Variants in TMEM178B observed in about 807,000 individuals in gnomAD.
TMEM178B encodes transmembrane protein 178B.
In TMEM178B, 5 loss-of-function variants were observed where a neutral mutation model predicts 31.0. That is an observed-to-expected ratio of 0.16 (90% CI 0.08 to 0.34). TMEM178B has a LOEUF of 0.34. TMEM178B is among the 10% of genes least tolerant of loss of function. The pLI is 1.00. For missense variants in TMEM178B, 275 were observed against 400.3 expected (o/e 0.69, Z 2.67); for synonymous variants, 164 against 164.0 (o/e 1.00, Z 0.00).
intron 1 of TMEM178B, among the ~76,000 whole-genome samples, chr7:141,120,035 G>T (rs1475145072): frequency 6.6e-6 from 1 of 152,202 alleles, no homozygotes; most frequent in African/African-American, 2.4e-5. Context: ...TGTAACCATA[G>T]CTTTGGGAAG....
At chr7:141,481,921 C>T (rs142884916), downstream of TMEM178B, among the ~76,000 whole-genome samples, 252 of 152,272 alleles carry the variant, frequency 1.7e-3, 2 homozygotes, top group African/African-American at 5.8e-3. Flanking sequence ...AAGACGTTCT[C>T]ACCAGACCCT....
At chr7:141,319,364 T>A (rs886814994) in intron 2 of TMEM178B, among the ~76,000 whole-genome samples, 4 of 152,228 alleles carry the variant, frequency 2.6e-5, no homozygotes, top group Admixed American at 6.5e-5. Flanking sequence ...GCAATACCTG[T>A]GCCTATTTCA....
At chr7:141,509,694 T>C in the TMEM178B span, among the ~76,000 whole-genome samples, 1 of 152,168 alleles carries the variant, frequency 6.6e-6, no homozygotes, top group East Asian at 1.9e-4. Context: ...AGAACCTCAG[T>C]AGAGAAGGGA....
At chr7:141,095,886 G>T (rs1452457261) in intron 1 of TMEM178B, among the ~76,000 whole-genome samples, 1 of 152,136 alleles carries the variant, frequency 6.6e-6, no homozygotes, top group Non-Finnish European at 1.5e-5. Flanking sequence ...TGTTGAATTG[G>T]GGGTGTGCCT....
chr7:141,131,001 G>A (rs961986230), intron 1 of TMEM178B, among the ~76,000 whole-genome samples: 7 of 152,074 alleles, frequency 4.6e-5, no homozygotes, highest in Admixed American at 1.3e-4. Flanking sequence ...CCATTAGAAC[G>A]GGAACTCATC....
At position 141,344,819 on chromosome 7, in the gene TMEM178B, T is replaced by C. The variant is rs923083294; in HGVS notation, c.497-92789T>C. On this transcript the variant is annotated intron_variant, in intron 2 of 3. Transcript: ENST00000565468. This position sits in a 1 kb window ranked among gnomAD's most constrained non-coding sequence, Gnocchi z 4.1. Reference sequence around the variant, plus strand: ...CTTTTGGAACTCAGAACGAGCTGTCTGTTAACTGTGGCTCTGCCACCGGCT... The same window carrying C: ...CTTTTGGAACTCAGAACGAGCTGTCCGTTAACTGTGGCTCTGCCACCGGCT... Among the ~76,000 whole-genome samples, 1 of 152,206 alleles carries C rather than the reference T, an allele frequency of 6.6e-6. No homozygotes were observed. The highest frequency in any genetic ancestry group is 1.5e-5 in the Non-Finnish European group (1 of 68,044).
chr7:141,341,468 G>T (rs1214486387), intron 2 of TMEM178B, among the ~76,000 whole-genome samples: 1 of 152,090 alleles, frequency 6.6e-6, no homozygotes, highest in Admixed American at 6.5e-5. Context: ...AAAAAGAAAA[G>T]CATCAACCCA....
At chr7:141,111,306 AC>A (rs572002740) in intron 1 of TMEM178B, among the ~76,000 whole-genome samples, 3 of 151,394 alleles carry the variant, frequency 2.0e-5, no homozygotes, top group African/African-American at 4.9e-5. Context: ...AGGAAAAACC[AC>A]CCCCCCAAGA....
intron 1 of TMEM178B, among the ~76,000 whole-genome samples, chr7:141,132,512 A>G (rs1490150875): frequency 6.6e-6 from 1 of 152,160 alleles, no homozygotes; most frequent in Non-Finnish European, 1.5e-5. Flanking sequence ...ACAAAATGTA[A>G]TATGGTTTGG....
At chr7:141,124,934 T>G (rs570391137) in intron 1 of TMEM178B, among the ~76,000 whole-genome samples, 1 of 152,224 alleles carries the variant, frequency 6.6e-6, no homozygotes, top group African/African-American at 2.4e-5. Context: ...AAGACAAAAT[T>G]GTAAGAAAGC....
chr7:141,434,699 C>T (rs1040205243), intron 2 of TMEM178B, among the ~76,000 whole-genome samples: 1 of 152,202 alleles, frequency 6.6e-6, no homozygotes, highest in Non-Finnish European at 1.5e-5. Flanking sequence ...AGTTACCCTA[C>T]TCTGCTATCA....
rs113444287 is a variant in TMEM178B, at chr7:141,282,657, A to C, written c.496+69953A>C. On this transcript the variant is annotated intron_variant, in intron 2 of 3. Transcript: ENST00000565468. ...ACACCAATTTAAGCCTTATCGCATG[A>C]GAGGTATTGACTTAGTATGAGTCCC... Among the ~76,000 whole-genome samples, 1,094 of 152,328 alleles carry C rather than the reference A, an allele frequency of 7.2e-3. 11 individuals carry two copies. Among genetic ancestry groups the C allele is most frequent in the African/African-American group, 0.025 (1,046 of 41,562 alleles).
intron 2 of TMEM178B, among the ~76,000 whole-genome samples, chr7:141,336,438 G>T (rs562347652): frequency 6.6e-6 from 1 of 152,182 alleles, no homozygotes; most frequent in East Asian, 1.9e-4. Flanking sequence ...AATCCTGGTT[G>T]TGCCACTGTC....
chr7:141,263,742 G>A (rs1409255002), intron 2 of TMEM178B, among the ~76,000 whole-genome samples: 1 of 152,180 alleles, frequency 6.6e-6, no homozygotes, highest in East Asian at 1.9e-4. Flanking sequence ...TTTCCCAGTG[G>A]CCTCTGCAAT....
chr7:141,124,984 C>G (rs925088398), intron 1 of TMEM178B, among the ~76,000 whole-genome samples: 1 of 152,138 alleles, frequency 6.6e-6, no homozygotes, highest in Non-Finnish European at 1.5e-5. Flanking sequence ...CCCCTTTATT[C>G]TATCCTTTTT....
intron 1 of TMEM178B, among the ~76,000 whole-genome samples, chr7:141,134,571 A>G (rs1332940440): frequency 2.0e-5 from 3 of 152,128 alleles, no homozygotes; most frequent in Non-Finnish European, 4.4e-5. Context: ...TTACCAATAC[A>G]AAAAACCACC....
intron 1 of TMEM178B, among the ~76,000 whole-genome samples, chr7:141,200,949 C>T (rs915828462): frequency 6.6e-6 from 1 of 152,134 alleles, no homozygotes; most frequent in Non-Finnish European, 1.5e-5. Flanking sequence ...GGATGGCCTG[C>T]TGATGCAGCA....
chr7:141,202,877 A>G (rs1796900434), intron 1 of TMEM178B, among the ~76,000 whole-genome samples: 1 of 152,130 alleles, frequency 6.6e-6, no homozygotes, highest in South Asian at 2.1e-4. Flanking sequence ...TTTCTGCCCC[A>G]TTTGGGGACA....
chr7:141,444,769 C>T (rs1282138322), intron 3 of TMEM178B, among the ~76,000 whole-genome samples: 2 of 152,094 alleles, frequency 1.3e-5, no homozygotes, highest in African/African-American at 2.4e-5. Flanking sequence ...TGCTTTCTTG[C>T]ATCCCCAGCC....
Sources: allele counts gnomAD v4.1 joint callset (sites outside exome capture counted in the v4.1 genomes callset), GRCh38; gene constraint gnomAD v4.1.1; non-coding constraint Gnocchi (gnomAD v3.1); transcripts MANE v1.5; gene names NCBI Gene and HGNC (gene_info 2026-07-23, HGNC 2026-07-21).